GPC5: variants seen among roughly 807,000 people sequenced by gnomAD.
GPC5 encodes glypican-5.
Under a neutral mutation model 53.9 loss-of-function variants are expected in GPC5, and 47 were observed. The ratio of observed to expected loss-of-function variants is 0.87; its 90% CI spans 0.69 to 1.11. The LOEUF (loss-of-function observed/expected upper bound fraction) is 1.11, where lower values mean the gene tolerates loss of function less well. Ranked by LOEUF, GPC5 falls within the 50% of genes most tolerant of loss-of-function variation. The pLI is 0.00. For missense variants in GPC5, 748 were observed against 713.1 expected (o/e 1.05, Z -0.56); for synonymous variants, 286 against 263.3 (o/e 1.09, Z -0.84).
At chr13:92,243,897 C>G (rs2042631920) in intron 7 of GPC5, among the ~76,000 whole-genome samples, 1 of 151,938 alleles carries the variant, frequency 6.6e-6, no homozygotes, top group Non-Finnish European at 1.5e-5. Context: ...TTGGGGTATG[C>G]CATTGGGAGG....
chr13:92,223,904 C>T (rs1364346099), intron 7 of GPC5, among the ~76,000 whole-genome samples: 1 of 151,928 alleles, frequency 6.6e-6, no homozygotes, highest in Non-Finnish European at 1.5e-5. Flanking sequence ...GAAATTTGTG[C>T]ATGAATTCTC....
intron 7 of GPC5, among the ~76,000 whole-genome samples, chr13:92,346,655 A>G (rs1044845194): frequency 6.6e-6 from 1 of 152,240 alleles, no homozygotes; most frequent in Non-Finnish European, 1.5e-5. Flanking sequence ...ATGAAGAATT[A>G]GGGAATCATT....
At chr13:92,471,770 G>T (rs1342225460) in intron 7 of GPC5, among the ~76,000 whole-genome samples, 1 of 152,062 alleles carries the variant, frequency 6.6e-6, no homozygotes, top group African/African-American at 2.4e-5. Flanking sequence ...ACTTTTGTGA[G>T]GATTTGTGTG....
intron 7 of GPC5, among the ~76,000 whole-genome samples, chr13:92,752,768 T>A (rs1465287245): frequency 6.6e-6 from 1 of 152,156 alleles, no homozygotes; most frequent in African/African-American, 2.4e-5. Flanking sequence ...ACCCGAATAC[T>A]GCACTTTTCC....
At chr13:92,099,418 C>A (rs779382831) in intron 6 of GPC5, among the ~76,000 whole-genome samples, 12 of 152,130 alleles carry the variant, frequency 7.9e-5, no homozygotes, top group Non-Finnish European at 1.8e-4. Flanking sequence ...TCTTTCTTTG[C>A]TCTTGCTGTC....
chr13:91,436,806 T>C (rs1880009102), intron 1 of GPC5, among the ~76,000 whole-genome samples: 1 of 152,164 alleles, frequency 6.6e-6, no homozygotes, highest in Admixed American at 6.5e-5. Context: ...CTCCCATTAT[T>C]ATTGTGTGAG....
chr13:92,031,923 T>A (rs1270312192), intron 6 of GPC5, among the ~76,000 whole-genome samples: 2 of 115,516 alleles, frequency 1.7e-5, no homozygotes, highest in South Asian at 2.4e-4. Flanking sequence ...TATAAATATA[T>A]GTATTTTATA....
At chr13:92,760,327 A>G (rs1218953544) in intron 7 of GPC5, among the ~76,000 whole-genome samples, 5 of 152,120 alleles carry the variant, frequency 3.3e-5, no homozygotes, top group Non-Finnish European at 2.9e-5. Context: ...TTTTATCAAG[A>G]AGTTTTTAAT....
chr13:91,547,192 A>G (rs1247491255), intron 2 of GPC5, among the ~76,000 whole-genome samples: 2 of 152,112 alleles, frequency 1.3e-5, no homozygotes, highest in South Asian at 2.1e-4. Flanking sequence ...GACATATCCA[A>G]CTAGAGATGT....
At chr13:92,697,800 T>G (rs1887601941) in intron 7 of GPC5, among the ~76,000 whole-genome samples, 1 of 152,312 alleles carries the variant, frequency 6.6e-6, no homozygotes, top group Admixed American at 6.5e-5. Context: ...GCTTCCAGTT[T>G]TTGCCCATTC....
intron 7 of GPC5, among the ~76,000 whole-genome samples, chr13:92,236,144 G>A (rs1289579336): frequency 6.6e-6 from 1 of 151,894 alleles, no homozygotes; most frequent in East Asian, 1.9e-4. Context: ...ACTTGAAAAT[G>A]GGTTTCATTT....
intron 7 of GPC5, among the ~76,000 whole-genome samples, chr13:92,669,135 G>A (rs1886665966): frequency 6.6e-6 from 1 of 152,014 alleles, no homozygotes; most frequent in Non-Finnish European, 1.5e-5. Context: ...TCACACCAAA[G>A]ACTTCTTATA....
chr13:91,487,943 T>TTA (rs57451193), intron 2 of GPC5, among the ~76,000 whole-genome samples: 3 of 151,370 alleles, frequency 2.0e-5, no homozygotes, highest in Non-Finnish European at 2.9e-5. Flanking sequence ...TTTTTTTTTT[T>TTA]ACGGGGATAC....
At chr13:91,767,103 C>T (rs371739895) in intron 5 of GPC5, among the ~76,000 whole-genome samples, 6 of 152,272 alleles carry the variant, frequency 3.9e-5, no homozygotes, top group South Asian at 4.1e-4. Context: ...AAGGCATATG[C>T]ATTCTTGAGT....
intron 7 of GPC5, among the ~76,000 whole-genome samples, chr13:92,242,792 T>C (rs890684187): frequency 6.6e-6 from 1 of 152,136 alleles, no homozygotes; most frequent in Non-Finnish European, 1.5e-5. Flanking sequence ...GCCCCAATAC[T>C]AGGCATTTTA....
chr13:91,797,629 C>T (rs547346353), intron 5 of GPC5, among the ~76,000 whole-genome samples: 190 of 152,166 alleles, frequency 1.2e-3, no homozygotes, highest in African/African-American at 4.0e-3. Context: ...TCTTGAAAGA[C>T]GAAATTAAGA....
chr13:91,716,745 C>G (rs548692549), intron 3 of GPC5, among the ~76,000 whole-genome samples: 2 of 152,136 alleles, frequency 1.3e-5, no homozygotes, highest in African/African-American at 4.8e-5. Context: ...TGAGGAATGA[C>G]AAAGGCAGAA....
At chr13:92,518,320 C>G (rs930141368) in intron 7 of GPC5, among the ~76,000 whole-genome samples, 1 of 152,056 alleles carries the variant, frequency 6.6e-6, no homozygotes, top group Admixed American at 6.6e-5. Context: ...CAAGACACAT[C>G]ATTGTCAGAT....
chr13:91,422,139 C>A (rs1051623921), intron 1 of GPC5, among the ~76,000 whole-genome samples: 2 of 152,156 alleles, frequency 1.3e-5, no homozygotes, highest in African/African-American at 4.8e-5. Flanking sequence ...TAGAAGCTGA[C>A]AATAGAAAAC....
Sources: allele counts gnomAD v4.1 joint callset (sites outside exome capture counted in the v4.1 genomes callset), GRCh38; gene constraint gnomAD v4.1.1; transcripts MANE v1.5; gene names NCBI Gene and HGNC (gene_info 2026-07-23, HGNC 2026-07-21).